The following ANKRD29 variants were observed in gnomAD, a reference collection of about 807,000 sequenced individuals.
ANKRD29 encodes ankyrin repeat domain 29.
In ANKRD29, 32 loss-of-function variants were observed where a neutral mutation model predicts 38.0. The ratio of observed to expected loss-of-function variants is 0.84; its 90% CI spans 0.64 to 1.13. The LOEUF (loss-of-function observed/expected upper bound fraction) is 1.13, where lower values mean the gene tolerates loss of function less well. Among genes scored for constraint, ANKRD29 ranks in the 50% most tolerant of loss-of-function variants. ANKRD29 has a pLI of 0.00. For missense variants in ANKRD29, 357 were observed against 377.9 expected (o/e 0.94, Z 0.46); for synonymous variants, 135 against 152.4 (o/e 0.89, Z 0.84).
At chr18:23,645,483 G>A (rs1277770097) in intron 3 of ANKRD29, among the ~76,000 whole-genome samples, 1 of 152,200 alleles carries the variant, frequency 6.6e-6, no homozygotes, top group African/African-American at 2.4e-5. Flanking sequence ...GCTGAGGCAT[G>A]AGAATCACTT....
chr18:23,653,911 A>G (rs1396747160), intron 1 of ANKRD29, among the ~76,000 whole-genome samples: 1 of 151,956 alleles, frequency 6.6e-6, no homozygotes, highest in East Asian at 1.9e-4. Context: ...GAGCATAGGA[A>G]TGAGTTAGTC....
At chr18:23,662,620 C>CCCAGA in intron 1 of ANKRD29, 90 bp downstream of exon 1, 2 of 406,726 alleles carry the variant, frequency 4.9e-6, no homozygotes, top group African/African-American at 2.4e-5. Flanking sequence ...AGCGCCCACC[C>CCCAGA]CATCCCACCC....
chr18:23,617,248 C>T (rs2059735662), intron 8 of ANKRD29, among the ~76,000 whole-genome samples: 1 of 151,990 alleles, frequency 6.6e-6, no homozygotes, highest in South Asian at 2.1e-4. Flanking sequence ...ACAAAAAGAT[C>T]AAAACTTAAA....
At chr18:23,655,959 G>T (rs1279333625) in intron 1 of ANKRD29, among the ~76,000 whole-genome samples, 4 of 150,384 alleles carry the variant, frequency 2.7e-5, no homozygotes, top group African/African-American at 9.7e-5. Context: ...CGGGCGTAGT[G>T]GTGGGCGCCT....
At chr18:23,615,955 C>A (rs1003889093) in intron 8 of ANKRD29, among the ~76,000 whole-genome samples, 17 of 133,458 alleles carry the variant, frequency 1.3e-4, no homozygotes, top group African/African-American at 4.1e-4. Flanking sequence ...TATATACATA[C>A]TATATGTATG....
chr18:23,615,349 G>GCCA (rs2059697429), intron 8 of ANKRD29, among the ~76,000 whole-genome samples: 1 of 151,972 alleles, frequency 6.6e-6, no homozygotes, highest in Non-Finnish European at 1.5e-5. Flanking sequence ...ATTAAAAGAC[G>GCCA]AAAAATATTT....
chr18:23,633,907 C>T (rs570446748), intron 5 of ANKRD29, 144 bp downstream of exon 5: 41 of 766,754 alleles, frequency 5.3e-5, no homozygotes, highest in African/African-American at 3.3e-4. Flanking sequence ...CCATCTGGTC[C>T]GCTATATATT....
At chr18:23,638,723 A>T (rs1257792273) in intron 4 of ANKRD29, 126 bp downstream of exon 4, 2 of 747,732 alleles carry the variant, frequency 2.7e-6, no homozygotes. Flanking sequence ...GAGGAAATCC[A>T]CTTACTTAGG....
chr18:23,657,976 T>G (rs2060306516), intron 1 of ANKRD29, among the ~76,000 whole-genome samples: 1 of 152,234 alleles, frequency 6.6e-6, no homozygotes, highest in Non-Finnish European at 1.5e-5. Flanking sequence ...TCTCAAACTT[T>G]AAGTTCTAAT....
chr18:23,655,110 A>C (rs1008723392), intron 1 of ANKRD29, among the ~76,000 whole-genome samples: 1 of 152,208 alleles, frequency 6.6e-6, no homozygotes, highest in Non-Finnish European at 1.5e-5. Context: ...CTAAGTATTT[A>C]CAATTTTCAG....
At chr18:23,635,269 AAAAC>A (rs2059987988) in intron 4 of ANKRD29, among the ~76,000 whole-genome samples, 1 of 151,870 alleles carries the variant, frequency 6.6e-6, no homozygotes, top group Non-Finnish European at 1.5e-5. Flanking sequence ...ACACTGTGTC[AAAAC>A]AAACAAATAA....
chr18:23,615,955 C>T (rs1003889093), intron 8 of ANKRD29, among the ~76,000 whole-genome samples: 2 of 133,458 alleles, frequency 1.5e-5, no homozygotes, highest in African/African-American at 5.5e-5. Context: ...TATATACATA[C>T]TATATGTATG....
chr18:23,623,089 G>A (rs2059816191), intron 6 of ANKRD29, among the ~76,000 whole-genome samples: 1 of 152,214 alleles, frequency 6.6e-6, no homozygotes, highest in African/African-American at 2.4e-5. Flanking sequence ...ATGAGCACTG[G>A]CTCACAGATG....
In ANKRD29 at chr18:23,630,156, G is replaced by A. The variant is rs554510847; in HGVS notation, c.430-205C>T. ...ACACAAAAATTAGGCTGGGCACGGCGGCTCACGCCTGTAATCCTAGCACTT... is the reference window on the plus strand; with the variant it reads ...ACACAAAAATTAGGCTGGGCACGGCAGCTCACGCCTGTAATCCTAGCACTT... On this transcript the variant is annotated intron_variant, in intron 5 of 9. Transcript: ENST00000592179. Among the ~76,000 whole-genome samples the A allele has an allele frequency of 8.7e-4, 132 of 152,246 alleles. 4 individuals are homozygous for A. The South Asian group carries it at 0.022, about 26-fold the overall frequency.
intron 3 of ANKRD29, 22 bp downstream of exon 3, chr18:23,646,167 T>TTG: frequency 1.9e-6 from 3 of 1,611,582 alleles, no homozygotes; most frequent in Non-Finnish European, 2.5e-6. Flanking sequence ...TCATTTTTCT[T>TTG]CAAGTGCAAA....
At chr18:23,629,731 C>T in intron 6 of ANKRD29, 122 bp downstream of exon 6, 4 of 720,824 alleles carry the variant, frequency 5.5e-6, no homozygotes, top group Non-Finnish European at 9.4e-6. Context: ...ATCACAGAAG[C>T]AGAAGGGTTT....
intron 1 of ANKRD29, among the ~76,000 whole-genome samples, chr18:23,659,387 G>A (rs896141286): frequency 2.6e-5 from 4 of 152,164 alleles, no homozygotes; most frequent in South Asian, 2.1e-4. Flanking sequence ...GTGTGAACAC[G>A]TTTCCATTTC....
Position 23,638,943 on chromosome 18 carries a change from C to T in ANKRD29, c.236G>A (p.Gly79Asp). The T allele has an allele frequency of 6.2e-7, 1 of 1,605,348 alleles. No homozygotes were observed. The highest frequency in any genetic ancestry group is 8.5e-7 in the Non-Finnish European group (1 of 1,177,054). ...GADINLQRES[G>D]TTALFFAAQQ... is the part of the protein sequence containing the mutation. Reference sequence around the variant, plus strand: ...GGCGGCAAAGAATAGGGCAGTTGTACCTGACTGGGAGAGAGGGAGAGGCTA... The same window carrying T: ...GGCGGCAAAGAATAGGGCAGTTGTATCTGACTGGGAGAGAGGGAGAGGCTA... The change falls in exon 4 of 10, where the codon GGT (glycine) becomes GAT (aspartate). Residue 79 changes from glycine (G) to aspartate (D), a missense_variant. Physicochemically the swap from Gly to Asp is moderately conservative, Grantham distance 94. Coordinates refer to ENST00000592179, the MANE Select transcript of ANKRD29 (RefSeq NM_173505.4).
chr18:23,650,151 G>A (rs1212271335), intron 1 of ANKRD29, among the ~76,000 whole-genome samples: 4 of 151,284 alleles, frequency 2.6e-5, no homozygotes, highest in African/African-American at 9.7e-5. Flanking sequence ...CTGTTGGATC[G>A]TTTTGTTTGT....
Sources: gnomAD v4.1 joint callset for allele counts (sites outside exome capture counted in the v4.1 genomes callset) on GRCh38, gnomAD v4.1.1 for gene constraint, MANE v1.5 for transcripts, NCBI Gene and HGNC (gene_info 2026-07-23, HGNC 2026-07-21) for gene names.